FBN2: variants seen among roughly 807,000 people sequenced by gnomAD.
The protein encoded by FBN2 is fibrillin-2.
Under a neutral mutation model 355.6 loss-of-function variants are expected in FBN2, and 105 were observed. The ratio of observed to expected loss-of-function variants is 0.30; its 90% CI spans 0.25 to 0.35. The LOEUF is 0.35. Among genes scored for constraint, FBN2 ranks in the 10% least tolerant of loss-of-function variants. FBN2 has a pLI of 1.00. For synonymous variants in FBN2, 1,350 were observed against 1,301.2 expected, an observed-to-expected ratio of 1.04 and a Z score of -0.81; for missense variants, 3,280 against 3,758.7, an observed-to-expected ratio of 0.87 and a Z score of 3.33.
At chr5:128,366,662 TATAA>T (rs2126943449) in intron 16 of FBN2, among the ~76,000 whole-genome samples, 1 of 152,194 alleles carries the variant, frequency 6.6e-6, no homozygotes, top group African/African-American at 2.4e-5. Flanking sequence ...TATTAATACA[TATAA>T]ATGTTACTAA....
At chr5:128,450,917 C>A (rs972979815) in intron 6 of FBN2, among the ~76,000 whole-genome samples, 3 of 152,014 alleles carry the variant, frequency 2.0e-5, no homozygotes, top group Non-Finnish European at 2.9e-5. Context: ...GTTAAAGATA[C>A]AGAAAATAGA....
intron 7 of FBN2, among the ~76,000 whole-genome samples, chr5:128,436,481 C>T (rs572139437): frequency 2.3e-3 from 355 of 152,166 alleles, no homozygotes; most frequent in African/African-American, 8.3e-3. Flanking sequence ...GCTCTGCCTC[C>T]CAACATAAAT....
In FBN2 at chr5:128,300,852, G is replaced by A. The variant is rs1379280269; in HGVS notation, c.6131C>T (p.Pro2044Leu). Residue 2044 changes from proline (P) to leucine (L), a missense_variant, in exon 48 of 65, where the codon CCC becomes CTC. Physicochemically the swap from Pro to Leu is moderately conservative, Grantham distance 98. Around this residue, in one of 6 missense-constraint regions of FBN2, gnomAD observed 2,284 missense variants for 2,749.5 expected, o/e 0.83. Coordinates refer to ENST00000262464, the MANE Select transcript of FBN2 (RefSeq NM_001999.4). ...CTCGCTTTTTACTTCATACCCTGGG[G>A]GACAGATGCATCTGAAGGATCCCTC... ...NLEGSFRCIC[P>L]PGYEVKSENC... is the part of the protein sequence containing the mutation. The A allele has an allele frequency of 1.2e-6, 2 of 1,613,794 alleles. No homozygotes were observed. Among genetic ancestry groups the A allele is most frequent in the Non-Finnish European group, 1.7e-6 (2 of 1,179,888 alleles).
rs142185964 is a variant in FBN2 at position 128,336,002 on chromosome 5, C to A, written c.3710G>T (p.Arg1237Leu). 64 of 1,613,846 alleles carry A rather than the reference C, an allele frequency of 4.0e-5. 1 individual carries two copies. The highest frequency in any genetic ancestry group is 5.0e-5 in the Admixed American group (3 of 59,998). ...TCTCCCCTTACCTGTACAGCCCTGGCGGTCTGGCGTAGCCTGATATCCAGG... is the reference window on the plus strand; with the variant it reads ...TCTCCCCTTACCTGTACAGCCCTGGAGGTCTGGCGTAGCCTGATATCCAGG... ...CNPGYQATPDRQGCTDIDECM... is the reference protein window; with the variant it reads ...CNPGYQATPDLQGCTDIDECM... The change falls in exon 28 of 65, where the codon CGC becomes CTC. Residue 1237 changes from arginine (R) to leucine (L), a missense_variant. Physicochemically the swap from Arg to Leu is moderately radical, Grantham distance 102. Coordinates refer to ENST00000262464, the MANE Select transcript of FBN2 (RefSeq NM_001999.4).
chr5:128,509,654 A>AT (rs34671399), intron 5 of FBN2, among the ~76,000 whole-genome samples: 75,328 of 151,644 alleles, frequency 0.5, 21,947 homozygotes, highest in African/African-American at 0.82. Context: ...ATGTATTGGG[A>AT]TTTTTTTTAC....
intron 62 of FBN2, 149 bp from the exon 63 acceptor site, chr5:128,263,805 C>T: frequency 1.6e-6 from 1 of 629,086 alleles, no homozygotes; most frequent in Middle Eastern, 2.6e-4. Context: ...ATTTGCAAAG[C>T]ACGTGAATGA....
chr5:128,450,800 G>A (rs1387650191), intron 6 of FBN2, among the ~76,000 whole-genome samples: 1 of 151,962 alleles, frequency 6.6e-6, no homozygotes, highest in East Asian at 1.9e-4. Flanking sequence ...AAATAAATGT[G>A]AATTTACACA....
At chr5:128,286,693 G>A in intron 55 of FBN2, 25 bp downstream of exon 55, 1 of 1,613,540 alleles carries the variant, frequency 6.2e-7, no homozygotes, top group Non-Finnish European at 8.5e-7. Flanking sequence ...CATTACATAA[G>A]CAGACACCTT....
chr5:128,514,680 T>C (rs567498933), intron 5 of FBN2, among the ~76,000 whole-genome samples: 5 of 152,284 alleles, frequency 3.3e-5, no homozygotes, highest in African/African-American at 1.2e-4. Flanking sequence ...AACTTACTCT[T>C]ACATCTTGCT....
intron 39 of FBN2, among the ~76,000 whole-genome samples, chr5:128,310,402 ATT>A (rs199690802): frequency 3.7e-3 from 87 of 23,260 alleles, no homozygotes; most frequent in African/African-American, 9.3e-3. Context: ...ATATATATAT[ATT>A]TTTTTTTTTT....
At chr5:128,307,660 T>C (rs976666691) in intron 41 of FBN2, among the ~76,000 whole-genome samples, 2 of 150,272 alleles carry the variant, frequency 1.3e-5, no homozygotes, top group African/African-American at 4.9e-5. Context: ...ATGAATGAGA[T>C]GCGAATTTTG....
At chr5:128,339,844 C>T (rs553680570) in intron 25 of FBN2, among the ~76,000 whole-genome samples, 13 of 152,252 alleles carry the variant, frequency 8.5e-5, no homozygotes, top group African/African-American at 3.1e-4. Flanking sequence ...ACGGACCAAC[C>T]CTGAGCCAGA....
chr5:128,464,593 G>T, intron 6 of FBN2, 131 bp downstream of exon 6: 2 of 918,582 alleles, frequency 2.2e-6, no homozygotes, highest in South Asian at 1.4e-5. Context: ...TCTGGTCAGG[G>T]TTGTTAACGA....
chr5:128,486,649 T>C (rs1167786393), intron 5 of FBN2, among the ~76,000 whole-genome samples: 1 of 152,064 alleles, frequency 6.6e-6, no homozygotes, highest in Non-Finnish European at 1.5e-5. Flanking sequence ...ATACTTTCAG[T>C]TCTAGGGTAC....
chr5:128,335,413 A>ATTAG (rs752934768), intron 29 of FBN2, 42 bp downstream of exon 29: 1 of 1,613,756 alleles, frequency 6.2e-7, no homozygotes, highest in Non-Finnish European at 8.5e-7. Flanking sequence ...TCAAGAAAAA[A>ATTAG]TTAGTTAGAT....
intron 19 of FBN2, among the ~76,000 whole-genome samples, chr5:128,358,037 C>T (rs1751548904): frequency 6.6e-6 from 1 of 151,942 alleles, no homozygotes; most frequent in East Asian, 1.9e-4. Context: ...TGGGACTCTA[C>T]CATTTATTTG....
rs141977915 is a variant in FBN2 at position 128,506,175 on chromosome 5, C to T, written c.628+13098G>A. ...TGACATTGAAAATCACAATGAGATA[C>T]TGCTCTACTGGACTTCATACATTCC... On this transcript the variant is annotated intron_variant, in intron 5 of 64. Transcript: ENST00000262464. 4.3e-4 allele frequency among the ~76,000 whole-genome samples: 66 copies of T among 152,264 alleles called. 1 individual carries two copies. Among genetic ancestry groups the T allele is most frequent in the Admixed American group, 2.0e-3 (31 of 15,290 alleles).
At chr5:128,395,015 G>T in intron 9 of FBN2, 107 bp downstream of exon 9, 1 of 1,279,346 alleles carries the variant, frequency 7.8e-7, no homozygotes, top group South Asian at 1.2e-5. Flanking sequence ...TGAACTTCTG[G>T]ACTCAAGCAA....
intron 11 of FBN2, among the ~76,000 whole-genome samples, chr5:128,382,361 C>T (rs993681576): frequency 6.6e-6 from 1 of 152,020 alleles, no homozygotes; most frequent in Non-Finnish European, 1.5e-5. Flanking sequence ...GAACGAGGTG[C>T]GTCTGAGTTG....
Sources: gnomAD v4.1 joint callset for allele counts (sites outside exome capture counted in the v4.1 genomes callset) on GRCh38, gnomAD v4.1.1 for gene constraint, gnomAD v4.1.1 regional missense constraint, MANE v1.5 for transcripts, NCBI Gene and HGNC (gene_info 2026-07-23, HGNC 2026-07-21) for gene names.